PCDHA2: variants seen among roughly 807,000 people sequenced by gnomAD.
PCDHA2 encodes protocadherin alpha 2.
A neutral mutation model predicts 66.0 loss-of-function variants in PCDHA2; 58 were observed. That is an observed-to-expected ratio of 0.88 (90% CI 0.71 to 1.09). The LOEUF (loss-of-function observed/expected upper bound fraction) is 1.09, where lower values mean the gene tolerates loss of function less well. PCDHA2 is among the 50% of genes least tolerant of loss of function. The pLI, the probability that PCDHA2 is intolerant of heterozygous loss-of-function variation, is 0.00. For missense variants in PCDHA2, 1,267 were observed against 1,242.3 expected (o/e 1.02, Z -0.30); for synonymous variants, 634 against 554.0 (o/e 1.14, Z -2.03).
At chr5:140,997,673 TG>T (rs1554255971) in intron 3 of PCDHA2, among the ~76,000 whole-genome samples, 41 of 149,136 alleles carry the variant, frequency 2.7e-4, no homozygotes, top group African/African-American at 9.9e-4. Context: ...ACAGCTTGTG[TG>T]TGTGTGTGTG....
chr5:141,009,132 G>A (rs2098400947), intron 3 of PCDHA2, among the ~76,000 whole-genome samples: 1 of 152,204 alleles, frequency 6.6e-6, no homozygotes, highest in African/African-American at 2.4e-5. Flanking sequence ...GTATCCTGGT[G>A]AAAAAACCTG....
intron 3 of PCDHA2, among the ~76,000 whole-genome samples, chr5:141,000,339 A>ATC (rs1414297743): frequency 9.8e-6 from 1 of 102,338 alleles, no homozygotes; most frequent in Non-Finnish European, 2.1e-5. Context: ...GCAAGGCCCT[A>ATC]TCTCTCTCTC....
At chr5:140,880,694 A>T (rs1254061280) in intron 1 of PCDHA2, among the ~76,000 whole-genome samples, 1 of 152,346 alleles carries the variant, frequency 6.6e-6, no homozygotes, top group South Asian at 2.1e-4. Context: ...AGTCATGGTT[A>T]AGTGACAATG....
rs561153933 is a variant in PCDHA2, at chr5:140,927,279, G to A, written c.2389-51670G>A. Reference sequence around the variant, plus strand: ...CACCTCTCTTTCCTGCCGGCGACGTGCAGCTGCACATCCCCGAGTTCCTGA... The same window carrying A: ...CACCTCTCTTTCCTGCCGGCGACGTACAGCTGCACATCCCCGAGTTCCTGA... On this transcript the variant is annotated intron_variant, in intron 1 of 3. Transcript: ENST00000526136. 14 of 1,614,136 alleles carry A rather than the reference G, an allele frequency of 8.7e-6. 1 individual carries two copies. The South Asian group carries it at 1.4e-4, about 16-fold the overall frequency.
chr5:140,827,595 A>G (rs2150148333), intron 1 of PCDHA2, among the ~76,000 whole-genome samples: 1 of 152,352 alleles, frequency 6.6e-6, no homozygotes, highest in Admixed American at 6.5e-5. Context: ...GGAAAGACAG[A>G]TGTGGGCAAG....
chr5:140,985,813 CA>C lies in PCDHA2; in HGVS notation c.2536+3251del, dbSNP rs527803363. 8.2e-5 allele frequency among the ~76,000 whole-genome samples: 12 copies of C among 146,604 alleles called. No homozygotes were observed. In the East Asian group the frequency reaches 2.3e-3, roughly 28 times the overall value. ...GGAGTGCAGTGGCACGATCTCAGCT[CA>C]CAACAAGCTCTGCCTCCCGGGTTCA... On this transcript the variant is annotated intron_variant, in intron 3 of 3. Transcript: ENST00000526136.
At chr5:140,999,877 G>C (rs1194481133) in intron 3 of PCDHA2, among the ~76,000 whole-genome samples, 1 of 152,152 alleles carries the variant, frequency 6.6e-6, no homozygotes, top group Non-Finnish European at 1.5e-5. Flanking sequence ...CTGAAAATTA[G>C]CCCAGCTGTA....
chr5:141,009,889 G>A lies in PCDHA2; in HGVS notation c.2799G>A (p.Gln933=). ...KKKKKKGNKT[Q]EKKEKGNSTT... is the part of the protein sequence containing the mutation. ...AAAAGAAGAAGGGTAACAAGACCCAGGAGAAAAAAGAGAAAGGGAACAGCA... is the reference window on the plus strand; with the variant it reads ...AAAAGAAGAAGGGTAACAAGACCCAAGAGAAAAAAGAGAAAGGGAACAGCA... Residue 933 remains glutamine, a synonymous_variant, in exon 4 of 4, where the codon CAG becomes CAA. Transcript: ENST00000526136. 6.2e-7 allele frequency: 1 copy of A among 1,612,866 alleles called. No homozygotes were observed. Among genetic ancestry groups the A allele is most frequent in the South Asian group, 1.1e-5 (1 of 90,852 alleles).
At chr5:140,817,472 T>G (rs1241284280) in intron 1 of PCDHA2, 1 of 152,252 alleles carries the variant, frequency 6.6e-6, no homozygotes, top group African/African-American at 2.4e-5. Context: ...TGTCACTACC[T>G]CTGTTATCTT....
intron 1 of PCDHA2, among the ~76,000 whole-genome samples, chr5:140,798,899 A>G (rs1231068898): frequency 6.6e-6 from 1 of 152,360 alleles, no homozygotes; most frequent in African/African-American, 2.4e-5. Context: ...TTTATTCTAA[A>G]TATATGTGCA....
intron 1 of PCDHA2, chr5:140,966,656 G>A: frequency 8.3e-7 from 1 of 1,203,372 alleles, no homozygotes; most frequent in East Asian, 3.0e-5. Flanking sequence ...GTGAGCGGTG[G>A]GGGAGCAGGC....
In PCDHA2 at chr5:140,967,246, G is replaced by T. The variant is rs569213693; in HGVS notation, c.2389-11703G>T. On this transcript the variant is annotated intron_variant, in intron 1 of 3. Coordinates refer to ENST00000526136, the MANE Select transcript of PCDHA2 (RefSeq NM_018905.3). ...ACTACCAGCTTCAGGTAAGCGAATCGGTGGCGCCTGGAGCGCGCTTTCACA... is the reference window on the plus strand; with the variant it reads ...ACTACCAGCTTCAGGTAAGCGAATCTGTGGCGCCTGGAGCGCGCTTTCACA... The T allele has an allele frequency of 9.6e-5, 155 of 1,613,594 alleles. 2 individuals carry two copies. In the South Asian group the frequency reaches 1.4e-3, roughly 15 times the overall value.
chr5:140,923,804 A>G (rs782008903), intron 1 of PCDHA2, among the ~76,000 whole-genome samples: 30 of 152,222 alleles, frequency 2.0e-4, no homozygotes, highest in Admixed American at 3.9e-4. Flanking sequence ...CACAAATGAA[A>G]TCTTCTGAAA....
Position 140,999,523 on chromosome 5 carries a change from C to A in PCDHA2, c.2537-10104C>A, listed in dbSNP as rs115576128. On this transcript the variant is annotated intron_variant, in intron 3 of 3. Coordinates refer to ENST00000526136, the MANE Select transcript of PCDHA2 (RefSeq NM_018905.3). ...AACCTACATTTTAAGCATTTTGTTA[C>A]CCCCTGGATATGACAGCCAATGAAG... is the stretch of plus-strand genomic sequence containing the variant. Among the ~76,000 whole-genome samples, 464 of 152,142 alleles carry A rather than the reference C, an allele frequency of 3.0e-3. 6 individuals carry two copies. Among genetic ancestry groups the A allele is most frequent in the Middle Eastern group, 0.01 (3 of 294 alleles).
rs782291184 is a variant in PCDHA2, at chr5:140,796,545, A to G, written c.1581A>G (p.Glu527=). The G allele has an allele frequency of 3.0e-5, 48 of 1,612,912 alleles. No individual in the cohort carries two copies. The Admixed American group carries it at 3.7e-4, about 12-fold the overall frequency. ...VYALQPLDHE[E]VELLQFQVSA... is the part of the protein sequence containing the mutation. The stretch of plus-strand genomic sequence containing the variant: ...CGCTGCAGCCGCTGGACCACGAGGA[A>G]GTGGAGCTGCTGCAGTTCCAGGTGA... The change falls in exon 1 of 4, where the codon GAA becomes GAG. Residue 527 remains glutamate (E), a synonymous_variant. Coordinates refer to ENST00000526136, the MANE Select transcript of PCDHA2 (RefSeq NM_018905.3).
At chr5:140,984,371 C>T (rs2097099528) in intron 3 of PCDHA2, among the ~76,000 whole-genome samples, 1 of 152,150 alleles carries the variant, frequency 6.6e-6, no homozygotes, top group African/African-American at 2.4e-5. Flanking sequence ...TGGCCAAGTC[C>T]CTCTTTCAGA....
At chr5:140,832,932 A>G (rs2150205265) in intron 1 of PCDHA2, among the ~76,000 whole-genome samples, 5 of 152,204 alleles carry the variant, frequency 3.3e-5, no homozygotes, top group Non-Finnish European at 7.4e-5. Flanking sequence ...ATTCATGAGA[A>G]GAGAGTAACT....
chr5:140,796,566 G>A lies in PCDHA2; in HGVS notation c.1602G>A (p.Gln534=). 2 of 1,613,352 alleles carry A rather than the reference G, an allele frequency of 1.2e-6. No homozygotes were observed. Among genetic ancestry groups the A allele is most frequent in the Non-Finnish European group, 1.7e-6 (2 of 1,179,890 alleles). ...DHEEVELLQF[Q]VSARDAGVPP... is the part of the protein sequence containing the mutation. The stretch of plus-strand genomic sequence containing the variant: ...AGGAAGTGGAGCTGCTGCAGTTCCA[G>A]GTGAGCGCGCGGGATGCGGGCGTGC... Residue 534 remains glutamine (Q), a synonymous_variant, in exon 1 of 4, where the codon CAG becomes CAA. Coordinates refer to ENST00000526136, the MANE Select transcript of PCDHA2 (RefSeq NM_018905.3).
intron 1 of PCDHA2, chr5:140,843,430 C>T: frequency 6.3e-7 from 1 of 1,596,170 alleles, no homozygotes; most frequent in Non-Finnish European, 8.6e-7. Context: ...TGATCATCGC[C>T]ATCTGCGCGG....
Sources: allele counts gnomAD v4.1 joint callset (sites outside exome capture counted in the v4.1 genomes callset), GRCh38; gene constraint gnomAD v4.1.1; transcripts MANE v1.5; gene names NCBI Gene and HGNC (gene_info 2026-07-23, HGNC 2026-07-21).